Variants in COL11A1 observed in about 807,000 individuals in gnomAD.
COL11A1 encodes collagen type XI alpha 1 chain, also known as collagen alpha-1(XI) chain.
COL11A1 carries 74 observed loss-of-function variants against 265.2 expected under a neutral mutation model. The ratio of observed to expected loss-of-function variants is 0.28; its 90% CI spans 0.23 to 0.34. COL11A1 has a LOEUF of 0.34. Among genes scored for constraint, COL11A1 ranks in the 10% least tolerant of loss-of-function variants. COL11A1 has a pLI of 1.00. For missense variants in COL11A1, 2,165 were observed against 2,263.6 expected (o/e 0.96, Z 0.88); for synonymous variants, 816 against 727.6 (o/e 1.12, Z -1.96).
At position 103,071,189 on chromosome 1, in the gene COL11A1, C is replaced by T. The variant is rs113091440; in HGVS notation, c.651+3429G>A. 3.2e-3 allele frequency among the ~76,000 whole-genome samples: 490 copies of T among 151,850 alleles called. 5 individuals carry two copies. Among genetic ancestry groups the T allele is most frequent in the African/African-American group, 0.011 (470 of 41,484 alleles). The stretch of plus-strand genomic sequence containing the variant: ...GCTTCCACGAAATAAATAATCTCCC[C>T]AAAGATGGCTATTTGTTAAAAAATA... On this transcript the variant is annotated intron_variant, in intron 4 of 66. Transcript: ENST00000370096.
intron 4 of COL11A1, among the ~76,000 whole-genome samples, chr1:103,043,454 G>A (rs1668999800): frequency 6.6e-6 from 1 of 151,888 alleles, no homozygotes; most frequent in Admixed American, 6.6e-5. Flanking sequence ...CTTCATGAGA[G>A]CAGGGACTTT....
At chr1:103,002,072 G>T (rs4363441) in intron 23 of COL11A1, 103 bp from the exon 24 acceptor site, 1 of 961,086 alleles carries the variant, frequency 1.0e-6, no homozygotes, top group African/African-American at 1.6e-5. Flanking sequence ...TGAGTTATAA[G>T]AATCTGTATA....
chr1:103,049,381 G>A (rs1335907762), intron 4 of COL11A1, among the ~76,000 whole-genome samples: 3 of 152,204 alleles, frequency 2.0e-5, no homozygotes, highest in African/African-American at 7.2e-5. Flanking sequence ...TTTGATCTTT[G>A]TTGGTTTAAA....
At chr1:103,038,861 TA>T (rs1322387460) in intron 4 of COL11A1, among the ~76,000 whole-genome samples, 3 of 152,068 alleles carry the variant, frequency 2.0e-5, no homozygotes, top group African/African-American at 7.2e-5. Flanking sequence ...CATATATTAG[TA>T]AAAAATATAT....
At chr1:103,062,648 A>C (rs997281413) in intron 4 of COL11A1, among the ~76,000 whole-genome samples, 1 of 152,034 alleles carries the variant, frequency 6.6e-6, no homozygotes, top group Non-Finnish European at 1.5e-5. Flanking sequence ...ACATGTTCTG[A>C]AAACTAGGAA....
intron 4 of COL11A1, among the ~76,000 whole-genome samples, chr1:103,043,428 T>C (rs1668996053): frequency 6.6e-6 from 1 of 151,918 alleles, no homozygotes; most frequent in Admixed American, 6.6e-5. Context: ...TTCAATTAAA[T>C]TCACTGGAAT....
chr1:103,027,815 A>C (rs1667663247), intron 5 of COL11A1, among the ~76,000 whole-genome samples: 1 of 152,136 alleles, frequency 6.6e-6, no homozygotes, highest in South Asian at 2.1e-4. Context: ...CTGCTATTCA[A>C]GGATATATAC....
chr1:102,912,024 TA>T (rs1654744871), intron 54 of COL11A1, 134 bp downstream of exon 54: 2 of 747,326 alleles, frequency 2.7e-6, no homozygotes, highest in African/African-American at 1.8e-5. Flanking sequence ...TTGGCACATT[TA>T]AAAATTGTTT....
chr1:103,021,764 A>G lies in COL11A1; in HGVS notation c.1251T>C (p.Asn417=), dbSNP rs559545180. Residue 417 remains asparagine (N), a synonymous_variant, in exon 9 of 67, where the codon AAT becomes AAC. Transcript: ENST00000370096. ...AETDITETSI[N]GHGAYGEKGQ... ...CTTTCTCTCCATATGCACCATGGCC[A>G]TTTATCTGTTGAATGAAATATTCAA... 2 of 1,609,176 alleles carry G rather than the reference A, an allele frequency of 1.2e-6. No homozygotes were observed. Among genetic ancestry groups the G allele is most frequent in the East Asian group, 2.2e-5 (1 of 44,838 alleles).
chr1:103,097,579 A>C (rs1391481944), intron 1 of COL11A1, among the ~76,000 whole-genome samples: 1 of 151,952 alleles, frequency 6.6e-6, no homozygotes, highest in Non-Finnish European at 1.5e-5. Flanking sequence ...CCACTATTTG[A>C]TTAATTACTG....
rs1174566362 is a variant in COL11A1 at position 103,025,599 on chromosome 1, A to G, written c.912T>C (p.Asp304=). The change falls in exon 7 of 67, where the codon GAT becomes GAC. Residue 304 remains aspartate (D), a synonymous_variant. Coordinates refer to ENST00000370096, the MANE Select transcript of COL11A1 (RefSeq NM_001854.4). ...TIAQTEANIV[D]DFQEYNYGTM... is the part of the protein sequence containing the mutation. ...TTCCATAGTTGTATTCTTGAAAATC[A>G]TCAACGATGTTTGCCTAATGGTAAA... The G allele has an allele frequency of 2.5e-6, 4 of 1,613,602 alleles. No individual in the cohort carries two copies. Among genetic ancestry groups the G allele is most frequent in the Non-Finnish European group, 3.4e-6 (4 of 1,179,682 alleles).
chr1:103,086,294 A>T (rs1432092516), intron 1 of COL11A1, among the ~76,000 whole-genome samples: 3 of 145,808 alleles, frequency 2.1e-5, no homozygotes, highest in Non-Finnish European at 4.5e-5. Context: ...GAACACATCT[A>T]TGAAGGCTGT....
intron 4 of COL11A1, among the ~76,000 whole-genome samples, chr1:103,066,752 G>A (rs1671184818): frequency 6.6e-6 from 1 of 151,868 alleles, no homozygotes; most frequent in South Asian, 2.1e-4. Flanking sequence ...GAAATTTATA[G>A]AGGGGATAAA....
At chr1:103,097,681 T>C (rs1673891378) in intron 1 of COL11A1, among the ~76,000 whole-genome samples, 1 of 152,004 alleles carries the variant, frequency 6.6e-6, no homozygotes, top group South Asian at 2.1e-4. Flanking sequence ...TTTTAACCTG[T>C]ACTTGTCGAA....
rs199576799 is a variant in COL11A1, at chr1:102,879,813, T to A, written c.5144A>T (p.His1715Leu). 3.7e-5 allele frequency: 59 copies of A among 1,613,890 alleles called. No individual in the cohort carries two copies. The highest frequency in any genetic ancestry group is 4.9e-5 in the Non-Finnish European group (58 of 1,179,922). Residue 1715 changes from histidine to leucine, a missense_variant, in exon 66 of 67, where the codon CAT (histidine) becomes CTT (leucine). His to Leu is a moderately conservative substitution (Grantham distance 99). Transcript: ENST00000370096. ...CACATCATACCAGGCTGCTGACTGA[T>A]GACAGTGGTAGGTGAAATTTTGCCG... ...SARQNFTYHC[H>L]QSAAWYDVSS...
chr1:102,980,207 T>A (rs1662909417), intron 31 of COL11A1, among the ~76,000 whole-genome samples: 1 of 152,016 alleles, frequency 6.6e-6, no homozygotes, highest in African/African-American at 2.4e-5. Context: ...AAAAAAAGAA[T>A]GCTTGGTATA....
chr1:102,877,948 A>G lies in COL11A1; in HGVS notation c.*71T>C. ...TATACCATCCTTATTCAAAACTTGC[A>G]TGTGGCACAAAATGGGTTGGTGGCA... On this transcript the variant is annotated 3_prime_UTR_variant, in exon 67 of 67. Transcript: ENST00000370096. The G allele has an allele frequency of 1.3e-6, 2 of 1,514,972 alleles. No homozygotes were observed. Among genetic ancestry groups the G allele is most frequent in the Non-Finnish European group, 1.8e-6 (2 of 1,091,322 alleles). 93.8% of individuals were successfully genotyped at this position (1,514,972 alleles called of 1,614,324 possible). A position where few individuals can be genotyped will look rare whatever the true frequency, so the allele number is the denominator to read the frequency against.
intron 1 of COL11A1, among the ~76,000 whole-genome samples, chr1:103,090,077 T>G (rs755288385): frequency 6.6e-6 from 1 of 151,364 alleles, no homozygotes; most frequent in Non-Finnish European, 1.5e-5. Context: ...CGAGCCGAGA[T>G]CACACCACTG....
chr1:103,033,198 C>G (rs1192464688), intron 4 of COL11A1, among the ~76,000 whole-genome samples: 1 of 151,974 alleles, frequency 6.6e-6, no homozygotes, highest in Non-Finnish European at 1.5e-5. Flanking sequence ...AGTAACATTC[C>G]CTTTTATGGA....
Sources: allele counts gnomAD v4.1 joint callset (sites outside exome capture counted in the v4.1 genomes callset), GRCh38; gene constraint gnomAD v4.1.1; transcripts MANE v1.5; gene names NCBI Gene and HGNC (gene_info 2026-07-23, HGNC 2026-07-21).